The following PCDHGA3 variants were observed in gnomAD, a reference collection of about 807,000 sequenced individuals.
PCDHGA3 encodes the protein protocadherin gamma subfamily A, 3.
A neutral mutation model predicts 58.5 loss-of-function variants in PCDHGA3; 40 were observed. That is an observed-to-expected ratio of 0.68 (90% CI 0.53 to 0.89). The LOEUF (loss-of-function observed/expected upper bound fraction) is 0.89. Ranked by LOEUF, PCDHGA3 falls within the 40% of genes least tolerant of loss-of-function variation. The pLI, the probability that PCDHGA3 is intolerant of heterozygous loss-of-function variation, is 0.00. For missense variants in PCDHGA3, 1,223 were observed against 1,195.9 expected (o/e 1.02, Z -0.33); for synonymous variants, 530 against 525.7 (o/e 1.01, Z -0.11).
chr5:141,368,121 T>C (rs1431804065), intron 1 of PCDHGA3, among the ~76,000 whole-genome samples: 2 of 152,228 alleles, frequency 1.3e-5, no homozygotes, highest in Non-Finnish European at 2.9e-5. Flanking sequence ...TATTAAAATA[T>C]TCTTAATCCT....
Position 141,345,664 on chromosome 5 carries a change from G to A in PCDHGA3, c.1631G>A (p.Ser544Asn), listed in dbSNP as rs1290860917. 1.9e-6 allele frequency: 3 copies of A among 1,614,118 alleles called. No individual in the cohort carries two copies. Among genetic ancestry groups the A allele is most frequent in the Non-Finnish European group, 2.5e-6 (3 of 1,180,056 alleles). ...GACAGCGGGAACCCTCCACTCAGCA[G>A]CAACGTGTCGCTGAACCTGTTCGTG... ...ASDSGNPPLS[S>N]NVSLNLFVLD... is the part of the protein sequence containing the mutation. Residue 544 changes from serine to asparagine, a missense_variant, in exon 1 of 4, where the codon AGC becomes AAC. This residue lies in a region of PCDHGA3 where 791 missense variants were observed against 708.5 expected (regional missense o/e 1.12). Transcript: ENST00000253812.
intron 1 of PCDHGA3, among the ~76,000 whole-genome samples, chr5:141,349,183 C>T (rs2149751836): frequency 6.6e-6 from 1 of 152,242 alleles, no homozygotes; most frequent in Non-Finnish European, 1.5e-5. Flanking sequence ...GATTCTGCTG[C>T]CTCAACCTCC....
chr5:141,388,971 C>T (rs2091561776), intron 1 of PCDHGA3: 2 of 1,613,890 alleles, frequency 1.2e-6, no homozygotes, highest in South Asian at 2.2e-5. Flanking sequence ...GCTGGGAACA[C>T]ATATTGCTTT....
chr5:141,440,959 G>A (rs1313315196), intron 1 of PCDHGA3: 1 of 152,216 alleles, frequency 6.6e-6, no homozygotes, highest in Non-Finnish European at 1.5e-5. Flanking sequence ...TCAAGGCAGA[G>A]ATCACATATG....
At chr5:141,352,496 T>C in intron 1 of PCDHGA3, 3 of 1,614,040 alleles carry the variant, frequency 1.9e-6, no homozygotes, top group Non-Finnish European at 2.5e-6. Flanking sequence ...GACTTTGCCC[T>C]ATTCCTACAA....
chr5:141,420,911 T>C (rs948220220), intron 1 of PCDHGA3: 6 of 313,968 alleles, frequency 1.9e-5, no homozygotes, highest in Admixed American at 1.8e-4. Flanking sequence ...CAAATACGTG[T>C]GATTCACAAA....
chr5:141,373,804 T>C, intron 1 of PCDHGA3: 1 of 335,232 alleles, frequency 3.0e-6, no homozygotes, highest in Non-Finnish European at 5.4e-6. Flanking sequence ...ATCCTCTGTG[T>C]GATAGTTTCA....
chr5:141,345,340 C>T lies in PCDHGA3; in HGVS notation c.1307C>T (p.Thr436Ile), dbSNP rs370949279. ...DGGSPPLSTE[T>I]HITLHVIDIN... ...GGAAGCCCGCCACTGTCCACAGAAACTCACATCACCCTGCATGTGATTGAC... is the reference window on the plus strand; with the variant it reads ...GGAAGCCCGCCACTGTCCACAGAAATTCACATCACCCTGCATGTGATTGAC... The change falls in exon 1 of 4, where the codon ACT becomes ATT. Residue 436 changes from threonine to isoleucine, a missense_variant. Coordinates refer to ENST00000253812, the MANE Select transcript of PCDHGA3 (RefSeq NM_018916.4). The T allele has an allele frequency of 1.9e-6, 3 of 1,614,058 alleles. No homozygotes were observed. Among genetic ancestry groups the T allele is most frequent in the Admixed American group, 3.3e-5 (2 of 60,024 alleles).
Position 141,487,291 on chromosome 5 carries a change from C to T in PCDHGA3, c.2425-7516C>T, listed in dbSNP as rs748961925. The stretch of plus-strand genomic sequence containing the variant: ...TGGCAATTTGCTTTGTCTCCTTTGG[C>T]TCATTCGTGGCACTACTCTCTAAGT... On this transcript the variant is annotated intron_variant, in intron 1 of 3. Transcript: ENST00000253812. This position sits in a 1 kb window ranked among gnomAD's most constrained non-coding sequence, Gnocchi z 5.0. The T allele has an allele frequency of 1.9e-5, 30 of 1,614,036 alleles. No homozygotes were observed. Among genetic ancestry groups the T allele is most frequent in the Non-Finnish European group, 2.5e-5 (30 of 1,180,020 alleles).
chr5:141,345,345 A>G lies in PCDHGA3; in HGVS notation c.1312A>G (p.Ile438Val). The G allele has an allele frequency of 1.2e-6, 2 of 1,614,066 alleles. No homozygotes were observed. Among genetic ancestry groups the G allele is most frequent in the Non-Finnish European group, 1.7e-6 (2 of 1,179,956 alleles). Residue 438 changes from isoleucine to valine, a missense_variant, in exon 1 of 4, where the codon ATC (isoleucine) becomes GTC (valine). This residue lies in a region of PCDHGA3 where 791 missense variants were observed against 708.5 expected (regional missense o/e 1.12). Transcript: ENST00000253812. ...CCCGCCACTGTCCACAGAAACTCAC[A>G]TCACCCTGCATGTGATTGACATCAA... ...GSPPLSTETH[I>V]TLHVIDINDN...
chr5:141,485,619 G>A lies in PCDHGA3; in HGVS notation c.2425-9188G>A. On this transcript the variant is annotated intron_variant, in intron 1 of 3. Coordinates refer to ENST00000253812, the MANE Select transcript of PCDHGA3 (RefSeq NM_018916.4). This position sits in a 1 kb window ranked among gnomAD's most constrained non-coding sequence, Gnocchi z 5.7. ...GAAATTGGGGAGGCAGCTCCTCCAG[G>A]ACAGCGTTTCCCGTTGGAAAAGGCT... 3 of 1,612,234 alleles carry A rather than the reference G, an allele frequency of 1.9e-6. No homozygotes were observed. The highest frequency in any genetic ancestry group is 2.5e-6 in the Non-Finnish European group (3 of 1,178,678).
In PCDHGA3 at chr5:141,432,212, G is replaced by T. The variant is rs2097468822; in HGVS notation, c.2425-62595G>T. 8 of 1,614,184 alleles carry T rather than the reference G, an allele frequency of 5.0e-6. No homozygotes were observed. In the East Asian group the frequency reaches 1.3e-4, roughly 27 times the overall value. ...CCACGACCCCGACTGTGAAGAGAAC[G>T]CCCAGATCACTTATTCCCTGGCTGA... On this transcript the variant is annotated intron_variant, in intron 1 of 3. Transcript: ENST00000253812. The surrounding 1 kb of genome is among the most constrained non-coding windows in gnomAD (Gnocchi z 6.0).
rs2099612736 is a variant in PCDHGA3 at position 141,485,393 on chromosome 5, C to T, written c.2425-9414C>T. The T allele has an allele frequency of 6.2e-7, 1 of 1,614,154 alleles. No homozygotes were observed. The highest frequency in any genetic ancestry group is 1.7e-5 in the Admixed American group (1 of 60,020). ...GGTCGCTGGAGAGGTGAACCAAAGA[C>T]ACTTCCGTGTGGATTTGGACAGCGG... On this transcript the variant is annotated intron_variant, in intron 1 of 3. Coordinates refer to ENST00000253812, the MANE Select transcript of PCDHGA3 (RefSeq NM_018916.4). The surrounding 1 kb of genome is among the most constrained non-coding windows in gnomAD (Gnocchi z 5.7).
chr5:141,457,045 C>T (rs1489830197), intron 1 of PCDHGA3, among the ~76,000 whole-genome samples: 1 of 152,198 alleles, frequency 6.6e-6, no homozygotes, highest in African/African-American at 2.4e-5. Context: ...GATAGTAAAA[C>T]TTTCATGCTT....
chr5:141,374,900 G>A (rs1770928989), intron 1 of PCDHGA3: 6 of 1,613,682 alleles, frequency 3.7e-6, no homozygotes, highest in South Asian at 3.3e-5. Context: ...GGATGAAGGA[G>A]TCCACGGGGA....
intron 1 of PCDHGA3, among the ~76,000 whole-genome samples, chr5:141,359,198 A>G (rs1350534068): frequency 1.3e-5 from 2 of 152,176 alleles, no homozygotes; most frequent in Non-Finnish European, 2.9e-5. Flanking sequence ...ATAACAAGTG[A>G]ATGTTGAGAG....
chr5:141,409,572 A>G (rs1440637025), intron 1 of PCDHGA3: 2 of 1,613,920 alleles, frequency 1.2e-6, no homozygotes, highest in South Asian at 1.1e-5. Context: ...CAGACGTCCT[A>G]CGTGGTCCAC....
chr5:141,419,936 G>T, intron 1 of PCDHGA3: 2 of 1,614,074 alleles, frequency 1.2e-6, no homozygotes, highest in Non-Finnish European at 1.7e-6. Context: ...GTTTTACCTG[G>T]TGGTGGCCTT....
At chr5:141,454,625 C>T (rs1193628253) in intron 1 of PCDHGA3, among the ~76,000 whole-genome samples, 2 of 151,512 alleles carry the variant, frequency 1.3e-5, no homozygotes, top group East Asian at 1.9e-4. Flanking sequence ...AGGCTGGTCT[C>T]GAACCCCCAA....
Sources: allele counts gnomAD v4.1 joint callset (sites outside exome capture counted in the v4.1 genomes callset), GRCh38; gene constraint gnomAD v4.1.1; regional missense constraint gnomAD v4.1.1; non-coding constraint Gnocchi (gnomAD v3.1); transcripts MANE v1.5; gene names NCBI Gene and HGNC (gene_info 2026-07-23, HGNC 2026-07-21).